The following CASZ1 variants were observed in gnomAD, a reference collection of about 807,000 sequenced individuals.
CASZ1 encodes zinc finger protein castor homolog 1.
A neutral mutation model predicts 135.2 loss-of-function variants in CASZ1; 28 were observed. The observed-to-expected ratio is 0.21, with a 90% confidence interval of 0.15 to 0.28. The LOEUF (loss-of-function observed/expected upper bound fraction) is 0.28. Ranked by LOEUF, CASZ1 falls within the 10% of genes least tolerant of loss-of-function variation. The probability of loss-of-function intolerance (pLI) is 1.00; values close to 1 mark genes in which losing one functional copy is unlikely to be tolerated. For synonymous variants in CASZ1, 1,068 were observed against 1,073.4 expected (o/e 0.99, Z 0.10); for missense variants, 2,161 against 2,453.3 (o/e 0.88, Z 2.52).
chr1:10,758,084 C>T (rs985043021), intron 2 of CASZ1, among the ~76,000 whole-genome samples: 1 of 152,214 alleles, frequency 6.6e-6, no homozygotes, highest in Admixed American at 6.5e-5. Flanking sequence ...TCCTGTCCTT[C>T]AATCTCAGCT....
chr1:10,784,595 G>A (rs1303239887), intron 1 of CASZ1, among the ~76,000 whole-genome samples: 1 of 152,048 alleles, frequency 6.6e-6, no homozygotes, highest in Non-Finnish European at 1.5e-5. Context: ...AGCGAGTCTC[G>A]CTCTGTTGCC....
In CASZ1 at chr1:10,639,110, CTCGTCGTCG is replaced by C. The variant is rs754122507; in HGVS notation, c.5103_5111del (p.Asp1701_Asp1703del). On this transcript the variant is annotated inframe_deletion, in exon 21 of 21. Coordinates refer to ENST00000377022, the MANE Select transcript of CASZ1 (RefSeq NM_001079843.3). The surrounding 1 kb of genome is among the most constrained non-coding windows in gnomAD (Gnocchi z 4.0). Reference sequence around the variant, plus strand: ...CGTCGTCGTCGTCCTCGTCGTCGTCCTCGTCGTCGTCGTCCTCGTCGTCGTCCTCGTCCT... The same window carrying C: ...CGTCGTCGTCGTCCTCGTCGTCGTCCTCGTCCTCGTCGTCGTCCTCGTCCT... The C allele has an allele frequency of 1.6e-4, 187 of 1,149,666 alleles. No homozygotes were observed. In the East Asian group the frequency reaches 7.3e-3, roughly 45 times the overall value. The allele number at this position is 1,149,666 out of a possible 1,614,324, so 71.2% of individuals were successfully genotyped here. A position where few individuals can be genotyped will look rare whatever the true frequency, so the allele number is the denominator to read the frequency against.
Position 10,721,494 on chromosome 1 carries a change from A to G in CASZ1, c.-76-15950T>C, listed in dbSNP as rs1001948760. Among the ~76,000 whole-genome samples, 1 of 152,300 alleles carries G rather than the reference A, an allele frequency of 6.6e-6. No individual in the cohort carries two copies. Among genetic ancestry groups the G allele is most frequent in the East Asian group, 1.9e-4 (1 of 5,178 alleles). Reference sequence around the variant, plus strand: ...TTGCTGTGACTGATTGTCACATATCATCATTTTCATAGGATCTCCTCCATT... The same window carrying G: ...TTGCTGTGACTGATTGTCACATATCGTCATTTTCATAGGATCTCCTCCATT... On this transcript the variant is annotated intron_variant, in intron 2 of 20. Coordinates refer to ENST00000377022, the MANE Select transcript of CASZ1 (RefSeq NM_001079843.3). The surrounding 1 kb of genome is among the most constrained non-coding windows in gnomAD (Gnocchi z 5.4).
At position 10,650,989 on chromosome 1, in the gene CASZ1, T is replaced by G; in HGVS notation, c.2768A>C (p.His923Pro). The change falls in exon 12 of 21, where the codon CAC (histidine) becomes CCC (proline). Residue 923 changes from histidine (H) to proline (P), a missense_variant. This residue lies in a region of CASZ1 where 406 missense variants were observed against 387.6 expected (regional missense o/e 1.05). Transcript: ENST00000377022. ...TAGACTGCGGTCCTGGGAGGCTTCG[T>G]GGGGGCCTGGGGCGCCGGTGCTCTC... The part of the protein sequence containing the change: ...PGESTGAPGP[H>P]EASQDRSLDL... 6.3e-6 allele frequency: 10 copies of G among 1,576,006 alleles called. No homozygotes were observed. The highest frequency in any genetic ancestry group is 8.5e-6 in the Non-Finnish European group (10 of 1,169,944).
At chr1:10,708,974 G>GA (rs1314807295) in intron 2 of CASZ1, among the ~76,000 whole-genome samples, 1 of 142,732 alleles carries the variant, frequency 7.0e-6, no homozygotes, top group Non-Finnish European at 1.5e-5. Flanking sequence ...GACGGGGAGG[G>GA]GGGGGGCCAT....
intron 14 of CASZ1, 43 bp from the exon 15 acceptor site, chr1:10,649,235 G>C (rs1377978303): frequency 1.2e-6 from 2 of 1,608,954 alleles, no homozygotes; most frequent in Non-Finnish European, 8.5e-7. Context: ...TGGGGCTCCA[G>C]GGCGGGTGCG....
chr1:10,704,779 C>T (rs1639137047), intron 3 of CASZ1, among the ~76,000 whole-genome samples: 1 of 152,234 alleles, frequency 6.6e-6, no homozygotes, highest in African/African-American at 2.4e-5. Context: ...GGCGTTCCAC[C>T]GGTCACCTCT....
Position 10,709,493 on chromosome 1 carries a change from G to C in CASZ1, c.-76-3949C>G, listed in dbSNP as rs530910604. Among the ~76,000 whole-genome samples, 1 of 152,204 alleles carries C rather than the reference G, an allele frequency of 6.6e-6. No individual in the cohort carries two copies. Among genetic ancestry groups the C allele is most frequent in the African/African-American group, 2.4e-5 (1 of 41,452 alleles). On this transcript the variant is annotated intron_variant, in intron 2 of 20. Coordinates refer to ENST00000377022, the MANE Select transcript of CASZ1 (RefSeq NM_001079843.3). The surrounding 1 kb of genome is among the most constrained non-coding windows in gnomAD (Gnocchi z 5.1). ...TGTATTGAGGAGCTGTCAGGAGCCC[G>C]AGTGAGAGTCTCACTACCCCGGGAC... is the stretch of plus-strand genomic sequence containing the variant.
chr1:10,753,965 C>T (rs1011965591), intron 2 of CASZ1, among the ~76,000 whole-genome samples: 1 of 152,180 alleles, frequency 6.6e-6, no homozygotes, highest in Admixed American at 6.5e-5. Context: ...GGCCCCCCAC[C>T]CTGACCCCCT....
intron 20 of CASZ1, among the ~76,000 whole-genome samples, chr1:10,640,547 G>C (rs1478145407): frequency 2.0e-5 from 3 of 152,228 alleles, no homozygotes; most frequent in Non-Finnish European, 4.4e-5. Flanking sequence ...CACAGGGGGA[G>C]CTGCCTACTC....
At chr1:10,763,440 T>G (rs1205965037) in intron 1 of CASZ1, among the ~76,000 whole-genome samples, 2 of 152,058 alleles carry the variant, frequency 1.3e-5, no homozygotes, top group African/African-American at 4.8e-5. Context: ...CCTCCTACCT[T>G]GCAGGCTGCG....
intron 2 of CASZ1, among the ~76,000 whole-genome samples, chr1:10,738,934 T>TG (rs1291575803): frequency 3.3e-5 from 5 of 149,988 alleles, no homozygotes; most frequent in African/African-American, 9.8e-5. Flanking sequence ...TTTTTTTTTT[T>TG]TTTTTTTTTT....
intron 10 of CASZ1, 84 bp from the exon 11 acceptor site, chr1:10,654,302 C>T (rs1204433430): frequency 1.4e-5 from 22 of 1,578,540 alleles, no homozygotes; most frequent in African/African-American, 2.7e-5. Flanking sequence ...GACAGTCCCC[C>T]GGGTGGAAAA....
chr1:10,673,464 C>T (rs1380820720), intron 4 of CASZ1, among the ~76,000 whole-genome samples: 2 of 151,960 alleles, frequency 1.3e-5, no homozygotes, highest in Non-Finnish European at 2.9e-5. Flanking sequence ...CGCGCGTGCA[C>T]GCACACACAC....
At chr1:10,775,830 G>C (rs1222717995) in intron 1 of CASZ1, among the ~76,000 whole-genome samples, 1 of 152,132 alleles carries the variant, frequency 6.6e-6, no homozygotes, top group Admixed American at 6.5e-5. Context: ...TGCCAGCTCT[G>C]TGTGTGACAT....
rs769507455 is a variant in CASZ1 at position 10,639,215 on chromosome 1, TGCG to T, written c.5004_5006del (p.Ala1670del). Reference sequence around the variant, plus strand: ...CGTCCTCCTGCGAGGACTCCCCAGCTGCGGCGGCGGCGGCGGCGGCGCCCTCGC... The same window carrying T: ...CGTCCTCCTGCGAGGACTCCCCAGCTGCGGCGGCGGCGGCGGCGCCCTCGC... On this transcript the variant is annotated inframe_deletion, in exon 21 of 21. Coordinates refer to ENST00000377022, the MANE Select transcript of CASZ1 (RefSeq NM_001079843.3). The surrounding 1 kb of genome is among the most constrained non-coding windows in gnomAD (Gnocchi z 4.0). 667 of 895,718 alleles carry T rather than the reference TGCG, an allele frequency of 7.4e-4. No individual in the cohort carries two copies. The highest frequency in any genetic ancestry group is 8.2e-4 in the Non-Finnish European group (612 of 745,742). The allele number at this position is 895,718 out of a possible 1,614,324, so 55.5% of individuals were successfully genotyped here. A position where few individuals can be genotyped will look rare whatever the true frequency, so the allele number is the denominator to read the frequency against.
intron 1 of CASZ1, among the ~76,000 whole-genome samples, chr1:10,793,054 T>C (rs991585281): frequency 2.0e-5 from 3 of 152,148 alleles, no homozygotes; most frequent in African/African-American, 7.2e-5. Flanking sequence ...AGATAAACTA[T>C]TAATAAGTGT....
At chr1:10,656,074 T>C (rs955802193) in intron 8 of CASZ1, among the ~76,000 whole-genome samples, 1 of 152,214 alleles carries the variant, frequency 6.6e-6, no homozygotes, top group Non-Finnish European at 1.5e-5. Flanking sequence ...GGAGCACAGA[T>C]GATGCATTGG....
intron 2 of CASZ1, among the ~76,000 whole-genome samples, chr1:10,742,596 A>G (rs1639944790): frequency 6.6e-6 from 1 of 152,218 alleles, no homozygotes; most frequent in Admixed American, 6.5e-5. Context: ...GGCTGAATCT[A>G]GAAGTGAAGA....
Sources: gnomAD v4.1 joint callset for allele counts (sites outside exome capture counted in the v4.1 genomes callset) on GRCh38, gnomAD v4.1.1 for gene constraint, gnomAD v4.1.1 regional missense constraint, Gnocchi (gnomAD v3.1) non-coding constraint, MANE v1.5 for transcripts, NCBI Gene and HGNC (gene_info 2026-07-23, HGNC 2026-07-21) for gene names.